SMAD4: variants seen among roughly 807,000 people sequenced by gnomAD.
SMAD4 encodes the protein MAD homolog 4.
In SMAD4, 7 loss-of-function variants were observed where a neutral mutation model predicts 63.2. The ratio of observed to expected loss-of-function variants is 0.11; its 90% confidence interval spans 0.06 to 0.21. The LOEUF (loss-of-function observed/expected upper bound fraction) is 0.21. SMAD4 is among the 10% of genes least tolerant of loss of function. The pLI is 1.00. For synonymous variants in SMAD4, 215 were observed against 235.4 expected (o/e 0.91, Z 0.79); for missense variants, 312 against 693.8 (o/e 0.45, Z 6.18).
chr18:51,053,595 C>T (rs535804167), intron 4 of SMAD4: 33 of 152,196 alleles, frequency 2.2e-4, no homozygotes, highest in Middle Eastern at 3.4e-3. Context: ...GAACATACTT[C>T]TTAAGAGGTT....
chr18:51,082,877 A>G lies in SMAD4; in HGVS notation c.*4410A>G, dbSNP rs1910642372. ...TTCTGACTGCCTAGGCAAGGAAACC[A>G]GATAACCAAACTTACTAGAACGTTC... On this transcript the variant is annotated 3_prime_UTR_variant, in exon 12 of 12. Transcript: ENST00000342988. 8.8e-6 allele frequency: 2 copies of G among 227,818 alleles called. No individual in the cohort carries two copies. Among genetic ancestry groups the G allele is most frequent in the Admixed American group, 1.1e-4 (2 of 17,616 alleles). The allele number at this position is 227,818 out of a possible 1,614,324, so 14.1% of individuals were successfully genotyped here.
intron 1 of SMAD4, among the ~76,000 whole-genome samples, chr18:51,032,158 A>T (rs1188391488): frequency 1.3e-5 from 2 of 152,362 alleles, no homozygotes; most frequent in South Asian, 4.1e-4. Context: ...TTGGAATTAA[A>T]ACTAAAAGCT....
chr18:51,076,810 A>C, intron 11 of SMAD4, 34 bp downstream of exon 11: 2 of 1,485,888 alleles, frequency 1.3e-6, no homozygotes, highest in African/African-American at 2.8e-5. Flanking sequence ...TTAAAGGTAT[A>C]ATAGTTGATA....
At chr18:51,042,130 A>G (rs1211282793) in intron 1 of SMAD4, among the ~76,000 whole-genome samples, 3 of 152,200 alleles carry the variant, frequency 2.0e-5, no homozygotes, top group South Asian at 2.1e-4. Context: ...GCAATGTGAG[A>G]GACAGCGAAT....
chr18:51,049,247 C>A (rs1300067436), intron 3 of SMAD4, 48 bp from the exon 4 acceptor site: 1 of 1,327,322 alleles, frequency 7.5e-7, no homozygotes, highest in Non-Finnish European at 1.1e-6. Context: ...AAAATACTTT[C>A]ATTGTAATGA....
At chr18:51,073,386 T>TAC (rs1910376593) in intron 10 of SMAD4, among the ~76,000 whole-genome samples, 2 of 82,076 alleles carry the variant, frequency 2.4e-5, no homozygotes, top group Admixed American at 1.4e-4. Flanking sequence ...TATATATATA[T>TAC]ATACACACAC....
In SMAD4 at chr18:51,079,932, C is replaced by G; in HGVS notation, c.*1465C>G. 4.3e-6 allele frequency: 1 copy of G among 232,092 alleles called. No homozygotes were observed. The highest frequency in any genetic ancestry group is 8.5e-6 in the Non-Finnish European group (1 of 117,714). The allele number at this position is 232,092 out of a possible 1,614,324, so 14.4% of individuals were successfully genotyped here. ...TTTCCCTCACACTCTACCGGGACTT[C>G]CCCATGGACATTGTGTATCATGTGT... On this transcript the variant is annotated 3_prime_UTR_variant, in exon 12 of 12. Coordinates refer to ENST00000342988, the MANE Select transcript of SMAD4 (RefSeq NM_005359.6).
chr18:51,049,881 A>C (rs1157940077), intron 4 of SMAD4, among the ~76,000 whole-genome samples: 1 of 152,204 alleles, frequency 6.6e-6, no homozygotes, highest in African/African-American at 2.4e-5. Flanking sequence ...CAGCTTACCT[A>C]ATTGTATTTT....
At chr18:51,078,202 G>A (rs1286748719) in intron 11 of SMAD4, 54 bp from the exon 12 acceptor site, 19 of 1,370,742 alleles carry the variant, frequency 1.4e-5, no homozygotes, top group Non-Finnish European at 2.0e-5. Flanking sequence ...AATGTAGGGA[G>A]GATGGGAAGA....
intron 8 of SMAD4, among the ~76,000 whole-genome samples, chr18:51,061,414 T>G (rs1367947897): frequency 6.6e-6 from 1 of 152,218 alleles, no homozygotes; most frequent in African/African-American, 2.4e-5. Context: ...TGGGTTCAAT[T>G]GTTTTGATTT....
chr18:51,077,298 T>A (rs965651029), intron 11 of SMAD4: 3 of 680,024 alleles, frequency 4.4e-6, no homozygotes, highest in Non-Finnish European at 5.4e-6. Flanking sequence ...GGGGAATTTT[T>A]TACTGCAGAG....
At chr18:51,038,419 A>G (rs775354045) in intron 1 of SMAD4, among the ~76,000 whole-genome samples, 2 of 152,346 alleles carry the variant, frequency 1.3e-5, no homozygotes, top group Admixed American at 6.5e-5. Context: ...ACCAGAGCCA[A>G]AAAGTTCACT....
rs2144429179 is a variant in SMAD4, at chr18:51,058,425, C to T, written c.873C>T (p.His291=). The change falls in exon 7 of 12, where the codon CAC becomes CAT. Residue 291 remains histidine, a synonymous_variant. Transcript: ENST00000342988. The stretch of plus-strand genomic sequence containing the variant: ...ACCAAAACGGCCATCTTCAGCACCA[C>T]CCGCCTATGCCGCCCCATCCCGGAC... ...PHHQNGHLQH[H]PPMPPHPGHY... is the part of the protein sequence containing the mutation. The T allele has an allele frequency of 6.2e-7, 1 of 1,613,938 alleles. No individual in the cohort carries two copies. Among genetic ancestry groups the T allele is most frequent in the Non-Finnish European group, 8.5e-7 (1 of 1,179,912 alleles).
chr18:51,044,770 CCTTTGAG>C (rs1421290939), intron 1 of SMAD4, among the ~76,000 whole-genome samples: 1 of 152,140 alleles, frequency 6.6e-6, no homozygotes, highest in Non-Finnish European at 1.5e-5. Flanking sequence ...CAGAATTTTT[CCTTTGAG>C]CTTCTGTATA....
At chr18:51,048,546 G>C in intron 2 of SMAD4, 140 bp from the exon 3 acceptor site, 2 of 772,898 alleles carry the variant, frequency 2.6e-6, no homozygotes, top group Non-Finnish European at 4.5e-6. Context: ...GGCCAAGTTA[G>C]TTATTGTGAA....
chr18:51,046,302 G>C (rs1330237906), intron 1 of SMAD4, among the ~76,000 whole-genome samples: 1 of 152,106 alleles, frequency 6.6e-6, no homozygotes, highest in African/African-American at 2.4e-5. Context: ...ATCTCAGTAG[G>C]TATGAAGTAG....
At chr18:51,073,361 T>TTATATATATA (rs35099364) in intron 10 of SMAD4, among the ~76,000 whole-genome samples, 427 of 22,080 alleles carry the variant, frequency 0.019, 40 homozygotes, top group South Asian at 0.032. Context: ...CCAGATAACA[T>TTATATATATA]TATATATATA....
intron 4 of SMAD4, 45 bp from the exon 5 acceptor site, chr18:51,054,731 TGGGAA>T (rs1599186697): frequency 7.6e-7 from 1 of 1,311,338 alleles, no homozygotes; most frequent in Admixed American, 1.8e-5. Context: ...TTTTTTTTTC[TGGGAA>T]TAGAAGCTTA....
At chr18:51,058,274 A>G in intron 6 of SMAD4, 30 bp downstream of exon 6, 1 of 1,611,150 alleles carries the variant, frequency 6.2e-7, no homozygotes, top group East Asian at 2.2e-5. Context: ...AATCTTTTAA[A>G]TAGTTGAGAA....
Sources: gnomAD v4.1 joint callset for allele counts (sites outside exome capture counted in the v4.1 genomes callset) on GRCh38, gnomAD v4.1.1 for gene constraint, MANE v1.5 for transcripts, NCBI Gene and HGNC (gene_info 2026-07-23, HGNC 2026-07-21) for gene names.